PDPN: variants seen among roughly 807,000 people sequenced by gnomAD.
PDPN encodes PA2.26 antigen.
A neutral mutation model predicts 23.2 loss-of-function variants in PDPN; 12 were observed. That is an observed-to-expected ratio of 0.52 (90% CI 0.33 to 0.84). The LOEUF is 0.84. Ranked by LOEUF, PDPN falls within the 40% of genes least tolerant of loss-of-function variation. The pLI, the probability that PDPN is intolerant of heterozygous loss-of-function variation, is 0.02. For synonymous variants in PDPN, 77 were observed against 76.7 expected (o/e 1.00, Z -0.02); for missense variants, 199 against 212.2 (o/e 0.94, Z 0.39).
At chr1:13,613,855 A>T in intron 4 of PDPN, 130 bp downstream of exon 4, 2 of 446,798 alleles carry the variant, frequency 4.5e-6, no homozygotes, top group Non-Finnish European at 4.1e-6. Flanking sequence ...AAACATTCCG[A>T]GAACAGATTT....
At chr1:13,605,674 G>C (rs780356760) in intron 1 of PDPN, among the ~76,000 whole-genome samples, 14 of 152,132 alleles carry the variant, frequency 9.2e-5, no homozygotes, top group Admixed American at 9.2e-4. Context: ...CCAGGTTGGA[G>C]TGCAGTGGTG....
chr1:13,584,078 G>T lies in PDPN; in HGVS notation c.45G>T (p.Ser15=). The change falls in exon 1 of 6, where the codon TCG becomes TCT. Residue 15 remains serine (S), a synonymous_variant. Transcript: ENST00000621990. ...TGCTCTTCGTTTTGGGAAGCGCGTCGCTCTGGGTCCTGGCAGAAGGAGGTA... is the reference window on the plus strand; with the variant it reads ...TGCTCTTCGTTTTGGGAAGCGCGTCTCTCTGGGTCCTGGCAGAAGGAGGTA... ...SALLFVLGSA[S]LWVLAEGAST... 1 of 1,613,086 alleles carries T rather than the reference G, an allele frequency of 6.2e-7. No individual in the cohort carries two copies. The highest frequency in any genetic ancestry group is 8.5e-7 in the Non-Finnish European group (1 of 1,179,988).
At chr1:13,585,645 C>T (rs1455497360) in intron 1 of PDPN, 5 of 1,351,514 alleles carry the variant, frequency 3.7e-6, no homozygotes, top group Admixed American at 3.8e-5. Flanking sequence ...CAAAGGTACT[C>T]CTAAAAGATG....
At chr1:13,606,263 C>T (rs1322322450) in intron 1 of PDPN, among the ~76,000 whole-genome samples, 2 of 152,010 alleles carry the variant, frequency 1.3e-5, no homozygotes, top group Non-Finnish European at 1.5e-5. Context: ...CTTGGCCTCT[C>T]AAAGTGTTGG....
intron 1 of PDPN, among the ~76,000 whole-genome samples, chr1:13,592,395 A>G (rs908837012): frequency 1.5e-4 from 22 of 151,390 alleles, no homozygotes; most frequent in Non-Finnish European, 1.0e-4. Context: ...CCAAGCTTAC[A>G]GCGATTTACT....
intron 1 of PDPN, chr1:13,585,440 C>G: frequency 7.9e-7 from 1 of 1,271,348 alleles, no homozygotes; most frequent in Non-Finnish European, 1.0e-6. Context: ...ATATACAGTT[C>G]TGTATTTTCA....
intron 5 of PDPN, 86 bp downstream of exon 5, chr1:13,614,497 G>C (rs60984685): frequency 2.6e-6 from 2 of 782,136 alleles, no homozygotes; most frequent in Middle Eastern, 2.4e-4. Context: ...AGAAATCTCT[G>C]ATATAAGCTG....
intron 1 of PDPN, among the ~76,000 whole-genome samples, chr1:13,605,739 C>T (rs1376025030): frequency 6.6e-6 from 1 of 152,160 alleles, no homozygotes; most frequent in Non-Finnish European, 1.5e-5. Context: ...TCTCCTGCCT[C>T]AGCCTCCCAA....
rs141666426 is a variant in PDPN at position 13,607,446 on chromosome 1, G to A, written c.201+140G>A. ...AGCCACCATACCAAGGAATAGTTAC[G>A]TGGCTCAACAAAGAAGAATAAGTCC... On this transcript the variant is annotated intron_variant, in intron 2 of 5. Transcript: ENST00000621990. The A allele has an allele frequency of 3.6e-5, 19 of 533,942 alleles. No individual in the cohort carries two copies. In the Middle Eastern group the frequency reaches 1.6e-3, roughly 44 times the overall value. The allele number at this position is 533,942 out of a possible 1,614,324, so 33.1% of individuals were successfully genotyped here. A position where few individuals can be genotyped will look rare whatever the true frequency, so the allele number is the denominator to read the frequency against.
At chr1:13,597,474 C>T (rs1182076415) in intron 1 of PDPN, among the ~76,000 whole-genome samples, 1 of 152,108 alleles carries the variant, frequency 6.6e-6, no homozygotes, top group Non-Finnish European at 1.5e-5. Flanking sequence ...GCTGTAGAAA[C>T]GGCTTCTCCA....
intron 1 of PDPN, among the ~76,000 whole-genome samples, chr1:13,604,209 A>G (rs1254101294): frequency 2.0e-5 from 3 of 152,034 alleles, no homozygotes; most frequent in East Asian, 3.9e-4. Flanking sequence ...TGTCTTGGGG[A>G]AAAGAGGATT....
chr1:13,608,211 T>C (rs1397361803), intron 2 of PDPN, among the ~76,000 whole-genome samples: 3 of 152,206 alleles, frequency 2.0e-5, no homozygotes, highest in Non-Finnish European at 4.4e-5. Context: ...GATGATAGAC[T>C]ATTTAGCCTC....
intron 3 of PDPN, among the ~76,000 whole-genome samples, chr1:13,612,091 C>G (rs1463615299): frequency 3.5e-5 from 5 of 143,120 alleles, no homozygotes; most frequent in Non-Finnish European, 6.1e-5. Context: ...GTCCCCTGCC[C>G]CACCCTGTCA....
At chr1:13,600,667 A>G (rs1640620474) in intron 1 of PDPN, among the ~76,000 whole-genome samples, 1 of 152,180 alleles carries the variant, frequency 6.6e-6, no homozygotes, top group Non-Finnish European at 1.5e-5. Context: ...GTTGGGCCAC[A>G]TCACTTAACT....
chr1:13,600,874 G>T (rs1640625631), intron 1 of PDPN, among the ~76,000 whole-genome samples: 1 of 152,034 alleles, frequency 6.6e-6, no homozygotes, highest in Admixed American at 6.6e-5. Flanking sequence ...TAAGAGATGG[G>T]GTTGGGGGGA....
chr1:13,594,725 GCCTCTAAT>G (rs1225454658), intron 1 of PDPN, among the ~76,000 whole-genome samples: 3 of 152,040 alleles, frequency 2.0e-5, no homozygotes, highest in Admixed American at 1.3e-4. Flanking sequence ...GGTGGCTTAC[GCCTCTAAT>G]CCCAGCACTT....
At chr1:13,595,308 C>T (rs956953581) in intron 1 of PDPN, among the ~76,000 whole-genome samples, 1 of 152,178 alleles carries the variant, frequency 6.6e-6, no homozygotes, top group Admixed American at 6.5e-5. Context: ...TGTCTAGTGA[C>T]TTAATGTGAC....
chr1:13,614,400 G>A lies in PDPN; in HGVS notation c.471G>A (p.Ser157=), dbSNP rs767533686. 21 of 1,560,258 alleles carry A rather than the reference G, an allele frequency of 1.3e-5. No homozygotes were observed. The highest frequency in any genetic ancestry group is 1.7e-5 in the Non-Finnish European group (19 of 1,131,224). The change falls in exon 5 of 6, where the codon TCG becomes TCA. Residue 157 remains serine (S), a synonymous_variant. Coordinates refer to ENST00000621990, the MANE Select transcript of PDPN (RefSeq NM_006474.5). ...TCGTTGTGGTTATGCGAAAAATGTCGGGAAGGTACTCGTAAGTAAATAGCT... is the reference window on the plus strand; with the variant it reads ...TCGTTGTGGTTATGCGAAAAATGTCAGGAAGGTACTCGTAAGTAAATAGCT... ...AIIVVVMRKM[S]GRYSP is the part of the protein sequence containing the mutation.
chr1:13,590,179 G>A (rs765287699), intron 1 of PDPN, among the ~76,000 whole-genome samples: 9 of 152,340 alleles, frequency 5.9e-5, no homozygotes, highest in Non-Finnish European at 1.0e-4. Flanking sequence ...TATTAACTTT[G>A]TTGGTTGCAT....
Sources: gnomAD v4.1 joint callset for allele counts (sites outside exome capture counted in the v4.1 genomes callset) on GRCh38, gnomAD v4.1.1 for gene constraint, MANE v1.5 for transcripts, NCBI Gene and HGNC (gene_info 2026-07-23, HGNC 2026-07-21) for gene names.